MORC3: variants seen among roughly 807,000 people sequenced by gnomAD.
MORC3 encodes MORC family CW-type zinc finger 3, also known as MORC family CW-type zinc finger protein 3.
A neutral mutation model predicts 109.1 loss-of-function variants in MORC3; 31 were observed. The ratio of observed to expected loss-of-function variants is 0.28; its 90% CI spans 0.21 to 0.38. MORC3 has a LOEUF of 0.38. Ranked by LOEUF, MORC3 falls within the 10% of genes least tolerant of loss-of-function variation. The pLI, the probability that MORC3 is intolerant of heterozygous loss-of-function variation, is 1.00. For synonymous variants in MORC3, 395 were observed against 380.7 expected, an observed-to-expected ratio of 1.04 and a Z score of -0.44; for missense variants, 867 against 1,135.8, an observed-to-expected ratio of 0.76 and a Z score of 3.40.
At chr21:36,346,111 C>T (rs2085504598) in intron 8 of MORC3, among the ~76,000 whole-genome samples, 1 of 152,118 alleles carries the variant, frequency 6.6e-6, no homozygotes, top group Non-Finnish European at 1.5e-5. Flanking sequence ...ACCTCCACCT[C>T]CCTGGTTCAA....
rs559102951 is a variant in MORC3, at chr21:36,341,289, A to C, written c.609-110A>C. The C allele has an allele frequency of 1.7e-5, 17 of 1,021,190 alleles. 1 individual carries two copies. In the East Asian group the frequency reaches 3.9e-4, roughly 23 times the overall value. 63.3% of individuals were successfully genotyped at this position (1,021,190 alleles called of 1,614,324 possible). ...CACCCCCAACCCCCCACTGACGTGC[A>C]CCATGTGTAGGTTTATTTATTTGCT... On this transcript the variant is annotated intron_variant, in intron 5 of 16. Coordinates refer to ENST00000400485, the MANE Select transcript of MORC3 (RefSeq NM_015358.3).
At chr21:36,364,023 T>C in intron 13 of MORC3, 70 bp from the exon 14 acceptor site, 1 of 1,481,622 alleles carries the variant, frequency 6.7e-7, no homozygotes, top group South Asian at 1.3e-5. Flanking sequence ...AGAGGAAGAT[T>C]ATATCTTGTG....
chr21:36,345,495 C>G (rs1011542385), intron 8 of MORC3, among the ~76,000 whole-genome samples: 1 of 151,816 alleles, frequency 6.6e-6, no homozygotes, highest in Non-Finnish European at 1.5e-5. Flanking sequence ...TATCTCGGCT[C>G]ACTGCAGCCT....
chr21:36,362,072 A>G, intron 12 of MORC3, 111 bp from the exon 13 acceptor site: 1 of 1,117,772 alleles, frequency 8.9e-7, no homozygotes, highest in Non-Finnish European at 1.3e-6. Flanking sequence ...TGTTGATTAT[A>G]TTGAAATAGA....
chr21:36,338,988 T>G (rs2085405645), intron 5 of MORC3, 67 bp downstream of exon 5: 1 of 1,537,900 alleles, frequency 6.5e-7, no homozygotes, highest in East Asian at 2.3e-5. Context: ...TGGTGTTATA[T>G]TCATCTCTCG....
rs2085698064 is a variant in MORC3 at position 36,360,276 on chromosome 21, G to A, written c.1406+18G>A. 1 of 1,599,024 alleles carries A rather than the reference G, an allele frequency of 6.3e-7. No homozygotes were observed. Among genetic ancestry groups the A allele is most frequent in the Admixed American group, 1.7e-5 (1 of 59,886 alleles). On this transcript the variant is annotated intron_variant, in intron 12 of 16. Coordinates refer to ENST00000400485, the MANE Select transcript of MORC3 (RefSeq NM_015358.3). ...AAAAAGACGTGAGTGTTGTATTGAT[G>A]TATAGTGGGTAATAATGCCCAGATC... is the stretch of plus-strand genomic sequence containing the variant.
intron 4 of MORC3, among the ~76,000 whole-genome samples, chr21:36,338,442 C>CT (rs1190063627): frequency 6.6e-6 from 1 of 151,968 alleles, no homozygotes; most frequent in Non-Finnish European, 1.5e-5. Flanking sequence ...AATTCCACCA[C>CT]TTTGGGAGGC....
intron 14 of MORC3, among the ~76,000 whole-genome samples, chr21:36,365,578 T>C (rs1203349149): frequency 1.8e-4 from 28 of 152,220 alleles, no homozygotes; most frequent in Admixed American, 1.8e-3. Flanking sequence ...AATAGTTTGC[T>C]CTTCCTTTCT....
At chr21:36,354,131 A>T (rs1017576276) in intron 9 of MORC3, among the ~76,000 whole-genome samples, 3 of 151,948 alleles carry the variant, frequency 2.0e-5, no homozygotes, top group Non-Finnish European at 4.4e-5. Context: ...TGTACTGTTC[A>T]TTAAGTGGAA....
intron 9 of MORC3, among the ~76,000 whole-genome samples, chr21:36,353,584 A>G (rs910716939): frequency 2.0e-5 from 3 of 150,514 alleles, no homozygotes; most frequent in Non-Finnish European, 4.4e-5. Context: ...CTACTATTTT[A>G]TTTATTTTTT....
At chr21:36,345,906 A>G (rs929797481) in intron 8 of MORC3, among the ~76,000 whole-genome samples, 5 of 152,108 alleles carry the variant, frequency 3.3e-5, no homozygotes, top group Middle Eastern at 3.4e-3. Context: ...CAGTGGCGCA[A>G]TTTTGGCTCA....
At chr21:36,358,235 A>G (rs888657408) in intron 10 of MORC3, among the ~76,000 whole-genome samples, 2 of 151,820 alleles carry the variant, frequency 1.3e-5, no homozygotes, top group Non-Finnish European at 2.9e-5. Flanking sequence ...AAATACAAAA[A>G]GTAGCCAGGC....
chr21:36,357,775 C>G (rs1425202388), intron 10 of MORC3, among the ~76,000 whole-genome samples: 1 of 143,350 alleles, frequency 7.0e-6, no homozygotes, highest in African/African-American at 2.6e-5. Flanking sequence ...GAGTCTCACT[C>G]TGTCACCCAG....
chr21:36,351,559 T>A (rs1371036084), intron 9 of MORC3, among the ~76,000 whole-genome samples: 1 of 151,884 alleles, frequency 6.6e-6, no homozygotes, highest in African/African-American at 2.4e-5. Context: ...CTTACTTCAC[T>A]TAATGTAATG....
chr21:36,349,903 C>A (rs1032866301), intron 9 of MORC3, among the ~76,000 whole-genome samples: 6 of 152,268 alleles, frequency 3.9e-5, no homozygotes, highest in African/African-American at 1.4e-4. Flanking sequence ...CTGATGGGCA[C>A]AGCTGAAGCT....
rs571143407 is a variant in MORC3, at chr21:36,375,541, A to AT, written c.*248dup. On this transcript the variant is annotated 3_prime_UTR_variant, in exon 17 of 17. Coordinates refer to ENST00000400485, the MANE Select transcript of MORC3 (RefSeq NM_015358.3). ...TCATGACTCTGTTTTGAATGTAAAT[A>AT]TTTGTAATTAAGCCTGCACATATTT... The AT allele has an allele frequency of 6.7e-5, 23 of 342,992 alleles. No individual in the cohort carries two copies. In the East Asian group the frequency reaches 1.4e-3, roughly 21 times the overall value. 21.2% of individuals were successfully genotyped at this position (342,992 alleles called of 1,614,324 possible). A position where few individuals can be genotyped will look rare whatever the true frequency, so the allele number is the denominator to read the frequency against.
intron 10 of MORC3, among the ~76,000 whole-genome samples, chr21:36,359,556 C>CTTTTTTTT (rs5843757): frequency 4.3e-5 from 4 of 93,952 alleles, no homozygotes; most frequent in Non-Finnish European, 5.6e-5. Flanking sequence ...CTTTCCTCTC[C>CTTTTTTTT]TTTTTTTTTT....
At chr21:36,343,801 G>A (rs118042011) in intron 6 of MORC3, among the ~76,000 whole-genome samples, 3,005 of 152,124 alleles carry the variant, frequency 0.02, 53 homozygotes, top group Admixed American at 0.043. Context: ...AGCTGTGGAT[G>A]TATTTGTCAT....
At position 36,333,630 on chromosome 21, in the gene MORC3, CT is replaced by C; in HGVS notation, c.40-12del. The C allele has an allele frequency of 6.2e-7, 1 of 1,601,512 alleles. No individual in the cohort carries two copies. The highest frequency in any genetic ancestry group is 8.6e-7 in the Non-Finnish European group (1 of 1,169,564). On this transcript the variant is annotated splice_polypyrimidine_tract_variant and intron_variant, in intron 1 of 16. Transcript: ENST00000400485. ...AAGACCTGAATTAATTTACATGGAC[CT>C]TTTGTTTGTTTCAGCTTTGCCCGAA... is the stretch of plus-strand genomic sequence containing the variant.
Sources: gnomAD v4.1 joint callset for allele counts (sites outside exome capture counted in the v4.1 genomes callset) on GRCh38, gnomAD v4.1.1 for gene constraint, MANE v1.5 for transcripts, NCBI Gene and HGNC (gene_info 2026-07-23, HGNC 2026-07-21) for gene names.